Variants in UNC5D observed in about 807,000 individuals in gnomAD.
UNC5D encodes unc-5 netrin receptor D, also known as netrin receptor UNC5D.
In UNC5D, 39 loss-of-function variants were observed where a neutral mutation model predicts 105.4. The ratio of observed to expected loss-of-function variants is 0.37; its 90% CI spans 0.29 to 0.48. The LOEUF is 0.48. UNC5D is among the 20% of genes least tolerant of loss of function. UNC5D has a pLI of 0.98. For synonymous variants in UNC5D, 452 were observed against 450.4 expected (o/e 1.00, Z -0.04); for missense variants, 991 against 1,202.4 (o/e 0.82, Z 2.60).
chr8:35,358,352 A>G (rs934059311), intron 1 of UNC5D, among the ~76,000 whole-genome samples: 5 of 152,168 alleles, frequency 3.3e-5, no homozygotes, highest in African/African-American at 4.8e-5. Flanking sequence ...TTGCAGGGAC[A>G]TGGATGAGCT....
At chr8:35,593,099 T>G (rs1372372808) in intron 3 of UNC5D, among the ~76,000 whole-genome samples, 1 of 150,934 alleles carries the variant, frequency 6.6e-6, no homozygotes, top group Non-Finnish European at 1.5e-5. Flanking sequence ...ATATGTAAAT[T>G]ATACAAACGT....
intron 1 of UNC5D, among the ~76,000 whole-genome samples, chr8:35,346,101 T>A (rs1273899416): frequency 6.6e-6 from 1 of 152,014 alleles, no homozygotes; most frequent in Non-Finnish European, 1.5e-5. Context: ...GTCTGTATAT[T>A]CCCTGGGGTA....
chr8:35,381,217 T>C (rs2128932408), intron 1 of UNC5D, among the ~76,000 whole-genome samples: 1 of 152,336 alleles, frequency 6.6e-6, no homozygotes, highest in East Asian at 1.9e-4. Context: ...TCTAGGAATT[T>C]GAATGAGATC....
intron 1 of UNC5D, among the ~76,000 whole-genome samples, chr8:35,244,930 T>G (rs769365389): frequency 8.5e-5 from 13 of 152,178 alleles, no homozygotes; most frequent in Admixed American, 2.0e-4. Flanking sequence ...GTCAGAGGAC[T>G]GTGTGAGCCC....
intron 11 of UNC5D, among the ~76,000 whole-genome samples, chr8:35,743,589 TA>T (rs112685629): frequency 0.031 from 4,522 of 146,014 alleles, 228 homozygotes; most frequent in African/African-American, 0.11. Flanking sequence ...GCACTCACTT[TA>T]AAAAAAAAAA....
chr8:35,721,831 T>C (rs1364134194), intron 8 of UNC5D, among the ~76,000 whole-genome samples: 1 of 152,218 alleles, frequency 6.6e-6, no homozygotes, highest in Non-Finnish European at 1.5e-5. Flanking sequence ...TATCACTGTG[T>C]GTGGGTCTGC....
At chr8:35,490,975 T>C (rs1811176713) in intron 1 of UNC5D, among the ~76,000 whole-genome samples, 1 of 152,216 alleles carries the variant, frequency 6.6e-6, no homozygotes. Flanking sequence ...AGTTTGCTTT[T>C]TTTTTCTTCT....
Position 35,686,581 on chromosome 8 carries a change from T to G in UNC5D, c.956T>G (p.Val319Gly). The change falls in exon 7 of 17, where the codon GTC becomes GGC. Residue 319 changes from valine to glycine, a missense_variant. Physicochemically the swap from Val to Gly is moderately radical, Grantham distance 109. This residue lies in a region of UNC5D where 944 missense variants were observed against 1,131.6 expected (regional missense o/e 0.83). Coordinates refer to ENST00000404895, the MANE Select transcript of UNC5D (RefSeq NM_080872.4). ...GSWEVWSEWS[V>G]CSPECEHLRI... ...TGGGAAGTGTGGAGCGAATGGTCCG[T>G]CTGCAGTCCAGAGTGTGAACATTTG... 1.3e-6 allele frequency: 2 copies of G among 1,598,100 alleles called. No individual in the cohort carries two copies. The highest frequency in any genetic ancestry group is 1.7e-6 in the Non-Finnish European group (2 of 1,175,346).
chr8:35,687,180 A>G (rs1255318705), intron 7 of UNC5D, among the ~76,000 whole-genome samples: 1 of 152,176 alleles, frequency 6.6e-6, no homozygotes, highest in African/African-American at 2.4e-5. Context: ...GCAGTGGCTC[A>G]CGCCTGTAAT....
chr8:35,722,672 T>A (rs1316089640), intron 9 of UNC5D, among the ~76,000 whole-genome samples: 1 of 152,240 alleles, frequency 6.6e-6, no homozygotes, highest in Admixed American at 6.5e-5. Flanking sequence ...GTTATTTTAT[T>A]TCAAATTATC....
chr8:35,697,333 A>G (rs1271974383), intron 7 of UNC5D, among the ~76,000 whole-genome samples: 3 of 150,812 alleles, frequency 2.0e-5, no homozygotes, highest in African/African-American at 7.3e-5. Flanking sequence ...ACTTCAGATT[A>G]TGTTTTTTTT....
intron 1 of UNC5D, among the ~76,000 whole-genome samples, chr8:35,266,866 G>C (rs1804911238): frequency 6.6e-6 from 1 of 152,176 alleles, no homozygotes; most frequent in Admixed American, 6.5e-5. Flanking sequence ...CTGGGAGGAA[G>C]CATCCCAAAA....
At chr8:35,404,988 C>A (rs1247319321) in intron 1 of UNC5D, among the ~76,000 whole-genome samples, 1 of 152,158 alleles carries the variant, frequency 6.6e-6, no homozygotes, top group Non-Finnish European at 1.5e-5. Context: ...CTTCAATATT[C>A]TATTCTTAAC....
intron 1 of UNC5D, among the ~76,000 whole-genome samples, chr8:35,490,078 G>C (rs1035642541): frequency 1.2e-4 from 19 of 152,284 alleles, no homozygotes; most frequent in African/African-American, 3.8e-4. Context: ...TATTACGTTT[G>C]TTGTAATATT....
intron 16 of UNC5D, among the ~76,000 whole-genome samples, chr8:35,780,377 G>A (rs947998384): frequency 4.6e-5 from 7 of 152,238 alleles, no homozygotes; most frequent in Middle Eastern, 3.4e-3. Flanking sequence ...GAATCTTCTC[G>A]CATTGAGGTG....
At chr8:35,322,854 T>C (rs1809854382) in intron 1 of UNC5D, among the ~76,000 whole-genome samples, 1 of 152,188 alleles carries the variant, frequency 6.6e-6, no homozygotes, top group African/African-American at 2.4e-5. Flanking sequence ...TCCGAAGAGG[T>C]TGGATTGACA....
chr8:35,410,771 T>A (rs1429317937), intron 1 of UNC5D, among the ~76,000 whole-genome samples: 1 of 152,016 alleles, frequency 6.6e-6, no homozygotes, highest in Non-Finnish European at 1.5e-5. Flanking sequence ...TTGCCCAAGG[T>A]TGCACACGAA....
chr8:35,302,158 A>G (rs1808007131), intron 1 of UNC5D, among the ~76,000 whole-genome samples: 1 of 152,180 alleles, frequency 6.6e-6, no homozygotes, highest in Non-Finnish European at 1.5e-5. Context: ...GCTTACCCTT[A>G]TATTTGAAAT....
chr8:35,339,376 T>C (rs1315761173), intron 1 of UNC5D, among the ~76,000 whole-genome samples: 1 of 152,220 alleles, frequency 6.6e-6, no homozygotes, highest in Admixed American at 6.5e-5. Context: ...GTCGTGAACA[T>C]GGTGGCATAT....
Sources: gnomAD v4.1 joint callset for allele counts (sites outside exome capture counted in the v4.1 genomes callset) on GRCh38, gnomAD v4.1.1 for gene constraint, gnomAD v4.1.1 regional missense constraint, MANE v1.5 for transcripts, NCBI Gene and HGNC (gene_info 2026-07-23, HGNC 2026-07-21) for gene names.